CPPED1: variants seen among roughly 807,000 people sequenced by gnomAD.
The protein encoded by CPPED1 is serine/threonine-protein phosphatase CPPED1.
CPPED1 carries 28 observed loss-of-function variants against 28.0 expected under a neutral mutation model. The observed-to-expected ratio is 1.00, with a 90% confidence interval of 0.74 to 1.37. CPPED1 has a LOEUF of 1.37. Ranked by LOEUF, CPPED1 falls within the 40% of genes most tolerant of loss-of-function variation. The probability of loss-of-function intolerance (pLI) is 0.00; values close to 1 mark genes in which losing one functional copy is unlikely to be tolerated. For missense variants in CPPED1, 504 were observed against 416.5 expected, an observed-to-expected ratio of 1.21 and a Z score of -1.83; for synonymous variants, 198 against 180.2, an observed-to-expected ratio of 1.10 and a Z score of -0.79.
At chr16:12,727,433 G>A (rs2080175978) in intron 2 of CPPED1, among the ~76,000 whole-genome samples, 1 of 152,084 alleles carries the variant, frequency 6.6e-6, no homozygotes, top group African/African-American at 2.4e-5. Flanking sequence ...ATTCACTACA[G>A]ACTCGACCTC....
At chr16:12,755,385 A>C (rs2080359466) in intron 2 of CPPED1, among the ~76,000 whole-genome samples, 1 of 150,984 alleles carries the variant, frequency 6.6e-6, no homozygotes, top group Admixed American at 6.6e-5. Flanking sequence ...AGGCTCAAGC[A>C]ATCCTCCTAC....
At chr16:12,744,293 AGAGAAAGCAAGC>A (rs1437458759) in intron 2 of CPPED1, among the ~76,000 whole-genome samples, 33 of 117,674 alleles carry the variant, frequency 2.8e-4, no homozygotes, top group African/African-American at 1.2e-3. Flanking sequence ...AGAGAGAGAG[AGAGAAAGCAAGC>A]AAGCAAGCAA....
chr16:12,795,013 C>G (rs956102064), intron 1 of CPPED1, among the ~76,000 whole-genome samples: 1 of 152,226 alleles, frequency 6.6e-6, no homozygotes, highest in African/African-American at 2.4e-5. Context: ...TCCAGAACCT[C>G]TCTCACTTTT....
chr16:12,751,365 TGATCAGGATAGAA>T (rs139921979), intron 2 of CPPED1, among the ~76,000 whole-genome samples: 6,645 of 152,288 alleles, frequency 0.044, 271 homozygotes, highest in African/African-American at 0.11. Context: ...AAAGTTTTAG[TGATCAGGATAGAA>T]GATCCAACCA....
chr16:12,745,465 A>G (rs1396063286), intron 2 of CPPED1, among the ~76,000 whole-genome samples: 1 of 152,246 alleles, frequency 6.6e-6, no homozygotes, highest in Middle Eastern at 3.2e-3. Context: ...TGTGGTCCAT[A>G]TACACCATGG....
chr16:12,761,290 A>AG (rs2080408632), intron 2 of CPPED1: 3 of 150,700 alleles, frequency 2.0e-5, no homozygotes, highest in South Asian at 4.2e-4. Context: ...AAAAAAAAAA[A>AG]AAAGAAAAAG....
intron 2 of CPPED1, among the ~76,000 whole-genome samples, chr16:12,726,276 G>A (rs1450549885): frequency 2.0e-5 from 3 of 148,206 alleles, no homozygotes; most frequent in African/African-American, 5.0e-5. Context: ...TCCTGACCTC[G>A]TGATTTGCCC....
intron 2 of CPPED1, among the ~76,000 whole-genome samples, chr16:12,712,346 C>A (rs1173982752): frequency 6.6e-6 from 1 of 152,146 alleles, no homozygotes; most frequent in African/African-American, 2.4e-5. Context: ...GTAATTAAAA[C>A]TCCTTTCAGG....
In CPPED1 at chr16:12,662,040, G is replaced by T. The variant is rs947374251; in HGVS notation, c.*2846C>A. ...CTCAAGCCTTGGGCCATCTACATCC[G>T]TTCTTTCTCCACCAAGATGAGTTAG... On this transcript the variant is annotated 3_prime_UTR_variant, in exon 4 of 4. Coordinates refer to ENST00000381774, the MANE Select transcript of CPPED1 (RefSeq NM_018340.3). The T allele has an allele frequency of 6.6e-6, 1 of 152,214 alleles. No individual in the cohort carries two copies. Among genetic ancestry groups the T allele is most frequent in the Non-Finnish European group, 1.5e-5 (1 of 68,050 alleles). 9.4% of individuals were successfully genotyped at this position (152,214 alleles called of 1,614,324 possible).
intron 3 of CPPED1, among the ~76,000 whole-genome samples, chr16:12,694,084 T>C (rs1295544836): frequency 2.0e-5 from 3 of 152,064 alleles, no homozygotes; most frequent in African/African-American, 4.8e-5. Context: ...CGGGTACCTG[T>C]AGTCCCAGCT....
chr16:12,794,041 T>A (rs1490608400), intron 1 of CPPED1, among the ~76,000 whole-genome samples: 2 of 148,808 alleles, frequency 1.3e-5, no homozygotes, highest in East Asian at 1.9e-4. Context: ...TTCAGCAGTT[T>A]AAAAAAAAAA....
At chr16:12,718,591 T>C (rs953133623) in intron 2 of CPPED1, among the ~76,000 whole-genome samples, 13 of 151,276 alleles carry the variant, frequency 8.6e-5, no homozygotes, top group African/African-American at 3.2e-4. Flanking sequence ...ATACGATTTG[T>C]TGGTGAGAGC....
chr16:12,719,195 T>C (rs2080124424), intron 2 of CPPED1, among the ~76,000 whole-genome samples: 2 of 151,910 alleles, frequency 1.3e-5, no homozygotes, highest in Non-Finnish European at 2.9e-5. Context: ...ATCGAGACCA[T>C]CCTGGCTAAC....
At chr16:12,744,382 C>T (rs1007073123) in intron 2 of CPPED1, among the ~76,000 whole-genome samples, 1 of 151,802 alleles carries the variant, frequency 6.6e-6, no homozygotes, top group Non-Finnish European at 1.5e-5. Flanking sequence ...GAAATTAATA[C>T]CACAGTGAGG....
chr16:12,702,517 G>A (rs1278321422), intron 3 of CPPED1, among the ~76,000 whole-genome samples: 1 of 151,984 alleles, frequency 6.6e-6, no homozygotes, highest in African/African-American at 2.4e-5. Flanking sequence ...CAGCCTGGGT[G>A]ACAAAGCAAG....
intron 3 of CPPED1, among the ~76,000 whole-genome samples, chr16:12,671,042 G>C (rs955336151): frequency 1.3e-5 from 2 of 151,862 alleles, no homozygotes; most frequent in Non-Finnish European, 2.9e-5. Context: ...GTAGAGATTG[G>C]GTTTCACCAT....
chr16:12,739,525 G>A (rs138004709), intron 2 of CPPED1, among the ~76,000 whole-genome samples: 1,585 of 152,230 alleles, frequency 0.01, 17 homozygotes, highest in Middle Eastern at 0.02. Context: ...AGGTTACAGT[G>A]AGCCAAGATC....
At chr16:12,669,644 C>T (rs2079843731) in intron 3 of CPPED1, among the ~76,000 whole-genome samples, 1 of 152,146 alleles carries the variant, frequency 6.6e-6, no homozygotes, top group African/African-American at 2.4e-5. Context: ...TGTGTATATA[C>T]ATAGGCCAGT....
intron 2 of CPPED1, among the ~76,000 whole-genome samples, chr16:12,724,275 C>T (rs868017635): frequency 7.9e-5 from 12 of 152,290 alleles, no homozygotes; most frequent in South Asian, 4.1e-4. Flanking sequence ...CCAGGTCCTA[C>T]CCCAGTGAGC....
Sources: gnomAD v4.1 joint callset for allele counts (sites outside exome capture counted in the v4.1 genomes callset) on GRCh38, gnomAD v4.1.1 for gene constraint, MANE v1.5 for transcripts, NCBI Gene and HGNC (gene_info 2026-07-23, HGNC 2026-07-21) for gene names.